TMEM132D: variants seen among roughly 807,000 people sequenced by gnomAD.
TMEM132D encodes transmembrane protein 132D.
Under a neutral mutation model 62.3 loss-of-function variants are expected in TMEM132D, and 21 were observed. That is an observed-to-expected ratio of 0.34 (90% CI 0.24 to 0.49). The LOEUF is 0.49. Among genes scored for constraint, TMEM132D ranks in the 20% least tolerant of loss-of-function variants. The pLI, the probability that TMEM132D is intolerant of heterozygous loss-of-function variation, is 0.99. For synonymous variants in TMEM132D, 621 were observed against 575.6 expected (o/e 1.08, Z -1.13); for missense variants, 1,346 against 1,402.8 (o/e 0.96, Z 0.65).
At chr12:129,302,620 C>T (rs1881748277) in intron 4 of TMEM132D, among the ~76,000 whole-genome samples, 2 of 152,332 alleles carry the variant, frequency 1.3e-5, no homozygotes, top group Middle Eastern at 3.4e-3. Context: ...TGGGCTCAGG[C>T]CCATTCCAGA....
rs1878480894 is a variant in TMEM132D, at chr12:129,194,076, T to A, written c.1443+15444A>T. On this transcript the variant is annotated intron_variant, in intron 5 of 8. Transcript: ENST00000422113. The stretch of plus-strand genomic sequence containing the variant: ...ATCCTCATGGTTTGCTTTCATTACC[T>A]ACCCAGTACCTGTTAAAGGAACCCT... Among the ~76,000 whole-genome samples the A allele has an allele frequency of 2.0e-5, 3 of 152,240 alleles. No individual in the cohort carries two copies. The South Asian group carries it at 6.2e-4, about 32-fold the overall frequency.
intron 3 of TMEM132D, among the ~76,000 whole-genome samples, chr12:129,381,747 C>T (rs1870960987): frequency 6.6e-6 from 1 of 151,968 alleles, no homozygotes. Flanking sequence ...CAGGAAGGCA[C>T]ATGTGGTACA....
At chr12:129,454,252 G>T (rs755369190) in intron 3 of TMEM132D, among the ~76,000 whole-genome samples, 2 of 152,200 alleles carry the variant, frequency 1.3e-5, no homozygotes, top group South Asian at 2.1e-4. Context: ...TTATGGAAAA[G>T]ATTAGACTTC....
At chr12:129,891,632 T>C (rs1874928371) in intron 1 of TMEM132D, among the ~76,000 whole-genome samples, 1 of 152,186 alleles carries the variant, frequency 6.6e-6, no homozygotes, top group Non-Finnish European at 1.5e-5. Flanking sequence ...TAAGTAACTG[T>C]GAGGCTATCT....
chr12:129,567,712 A>G (rs551216676), intron 2 of TMEM132D, among the ~76,000 whole-genome samples: 1 of 152,182 alleles, frequency 6.6e-6, no homozygotes, highest in African/African-American at 2.4e-5. Flanking sequence ...CATTTATGTT[A>G]CCATTTAATG....
intron 4 of TMEM132D, among the ~76,000 whole-genome samples, chr12:129,246,628 T>C (rs1447146332): frequency 6.6e-6 from 1 of 152,094 alleles, no homozygotes; most frequent in African/African-American, 2.4e-5. Flanking sequence ...TGGTGGTGCA[T>C]GCTATATCCC....
intron 2 of TMEM132D, among the ~76,000 whole-genome samples, chr12:129,609,486 A>G (rs1878714094): frequency 6.6e-6 from 1 of 152,118 alleles, no homozygotes; most frequent in Admixed American, 6.5e-5. Context: ...CGACAGGAAA[A>G]CTGACAATGA....
chr12:129,424,214 A>G (rs533097765), intron 3 of TMEM132D, among the ~76,000 whole-genome samples: 1 of 152,176 alleles, frequency 6.6e-6, no homozygotes, highest in African/African-American at 2.4e-5. Context: ...AAAAAAAAAA[A>G]AAATCTATGA....
At chr12:129,621,693 T>C (rs1467166027) in intron 2 of TMEM132D, among the ~76,000 whole-genome samples, 1 of 152,210 alleles carries the variant, frequency 6.6e-6, no homozygotes, top group Admixed American at 6.5e-5. Context: ...TATGCCAGCC[T>C]GGTCAATTAA....
intron 4 of TMEM132D, among the ~76,000 whole-genome samples, chr12:129,255,948 C>A (rs1017139863): frequency 1.3e-5 from 2 of 152,222 alleles, no homozygotes; most frequent in African/African-American, 4.8e-5. Flanking sequence ...TCCAGGACCA[C>A]CTCTGCTGTG....
At chr12:129,680,352 T>C (rs938320382) in intron 2 of TMEM132D, among the ~76,000 whole-genome samples, 2 of 152,174 alleles carry the variant, frequency 1.3e-5, no homozygotes, top group African/African-American at 4.8e-5. Context: ...AAAAGAAATA[T>C]AAAAATTGAT....
At chr12:129,156,136 C>A (rs1016140691) in intron 5 of TMEM132D, among the ~76,000 whole-genome samples, 1 of 151,766 alleles carries the variant, frequency 6.6e-6, no homozygotes, top group Non-Finnish European at 1.5e-5. Flanking sequence ...CAACTCACTC[C>A]AAAGAAAAAT....
At chr12:129,553,755 C>T (rs548161323) in intron 2 of TMEM132D, among the ~76,000 whole-genome samples, 4 of 152,334 alleles carry the variant, frequency 2.6e-5, no homozygotes, top group Admixed American at 6.5e-5. Flanking sequence ...CCGTCTATTC[C>T]GCAGTCCTCT....
intron 5 of TMEM132D, among the ~76,000 whole-genome samples, chr12:129,118,819 C>T (rs1464930396): frequency 6.6e-6 from 1 of 152,164 alleles, no homozygotes; most frequent in Non-Finnish European, 1.5e-5. Context: ...TGCTGTAGCT[C>T]ATATCAGAGG....
intron 5 of TMEM132D, among the ~76,000 whole-genome samples, chr12:129,106,382 A>G (rs1280741404): frequency 6.6e-6 from 1 of 151,994 alleles, no homozygotes; most frequent in Admixed American, 6.6e-5. Flanking sequence ...TAACCTGCAC[A>G]TTGTGCACAT....
At chr12:129,586,359 TTAGA>T (rs1413254991) in intron 2 of TMEM132D, among the ~76,000 whole-genome samples, 6 of 152,190 alleles carry the variant, frequency 3.9e-5, no homozygotes, top group Non-Finnish European at 7.4e-5. Context: ...GTGACCTATC[TTAGA>T]TTGTGCTTGT....
chr12:129,340,238 C>T (rs1219303168), intron 3 of TMEM132D, among the ~76,000 whole-genome samples: 1 of 152,066 alleles, frequency 6.6e-6, no homozygotes, highest in Non-Finnish European at 1.5e-5. Flanking sequence ...GTAAAAGCAA[C>T]AAGGTCTTTT....
intron 4 of TMEM132D, among the ~76,000 whole-genome samples, chr12:129,239,602 A>AG (rs1555240433): frequency 1.3e-5 from 2 of 152,162 alleles, no homozygotes; most frequent in African/African-American, 4.8e-5. Flanking sequence ...CCCATATAAG[A>AG]AGAGAGAGAT....
intron 3 of TMEM132D, among the ~76,000 whole-genome samples, chr12:129,463,155 T>C (rs1267773194): frequency 6.6e-6 from 1 of 152,230 alleles, no homozygotes; most frequent in Admixed American, 6.5e-5. Flanking sequence ...AATCAAACTC[T>C]GCTTTTCTCT....
Sources: allele counts gnomAD v4.1 joint callset (sites outside exome capture counted in the v4.1 genomes callset), GRCh38; gene constraint gnomAD v4.1.1; transcripts MANE v1.5; gene names NCBI Gene and HGNC (gene_info 2026-07-23, HGNC 2026-07-21).